The following KHDRBS2 variants were observed in gnomAD, a reference collection of about 807,000 sequenced individuals.
The protein encoded by KHDRBS2 is KH domain-containing, RNA-binding, signal transduction-associated protein 2.
KHDRBS2 carries 26 observed loss-of-function variants against 44.3 expected under a neutral mutation model. The observed-to-expected ratio is 0.59, with a 90% CI of 0.43 to 0.81. The LOEUF (loss-of-function observed/expected upper bound fraction) is 0.81, where lower values mean the gene tolerates loss of function less well. Ranked by LOEUF, KHDRBS2 falls within the 40% of genes least tolerant of loss-of-function variation. The pLI is 0.00. For synonymous variants in KHDRBS2, 194 were observed against 151.1 expected, an observed-to-expected ratio of 1.28 and a Z score of -2.08; for missense variants, 476 against 433.1, an observed-to-expected ratio of 1.10 and a Z score of -0.88.
intron 4 of KHDRBS2, among the ~76,000 whole-genome samples, chr6:61,963,592 G>A (rs1421511636): frequency 1.2e-4 from 19 of 152,094 alleles, no homozygotes; most frequent in Non-Finnish European, 2.2e-4. Context: ...TTGAGTACAG[G>A]GGCCCTCTCA....
the KHDRBS2 span, among the ~76,000 whole-genome samples, chr6:61,612,926 G>C: frequency 8.2e-4 from 113 of 138,498 alleles, no homozygotes; most frequent in Middle Eastern, 4.4e-3. Context: ...GATCTCGGCT[G>C]ACGGCAAGCT....
chr6:62,092,632 T>C (rs1320223779), intron 2 of KHDRBS2, among the ~76,000 whole-genome samples: 1 of 152,200 alleles, frequency 6.6e-6, no homozygotes, highest in Non-Finnish European at 1.5e-5. Flanking sequence ...TTCTATTACA[T>C]TGTTTCCTAA....
intron 6 of KHDRBS2, among the ~76,000 whole-genome samples, chr6:61,821,746 C>T (rs2127252397): frequency 6.6e-6 from 1 of 151,840 alleles, no homozygotes; most frequent in South Asian, 2.1e-4. Context: ...TTTTAGATGT[C>T]CTATGGATTG....
intron 1 of KHDRBS2, among the ~76,000 whole-genome samples, chr6:62,285,560 G>A (rs911892097): frequency 6.6e-6 from 1 of 152,182 alleles, no homozygotes; most frequent in African/African-American, 2.4e-5. Flanking sequence ...AAATGTCCCT[G>A]TAGACCGCGT....
At chr6:61,831,714 T>C (rs777084227) in intron 6 of KHDRBS2, among the ~76,000 whole-genome samples, 7 of 152,088 alleles carry the variant, frequency 4.6e-5, no homozygotes, top group Non-Finnish European at 7.4e-5. Context: ...TTCTTAAATA[T>C]CACGGTGAAA....
At chr6:61,890,394 C>T (rs888722645) in intron 6 of KHDRBS2, among the ~76,000 whole-genome samples, 5 of 152,238 alleles carry the variant, frequency 3.3e-5, no homozygotes, top group Non-Finnish European at 5.9e-5. Flanking sequence ...ACTCTTTATG[C>T]TTTTGTTGAT....
chr6:61,742,713 A>G (rs1776315468), intron 6 of KHDRBS2, among the ~76,000 whole-genome samples: 1 of 152,076 alleles, frequency 6.6e-6, no homozygotes, highest in Admixed American at 6.6e-5. Flanking sequence ...TTATGTATTC[A>G]AAACCATATG....
rs567275612 is a variant in KHDRBS2 at position 62,160,593 on chromosome 6, C to T, written c.219+16592G>A. ...TTGAGGAGTCACATGATCTGTATGG[C>T]CTATATGTTTAAAGATGACCACGGC... On this transcript the variant is annotated intron_variant, in intron 2 of 8. Coordinates refer to ENST00000281156, the MANE Select transcript of KHDRBS2 (RefSeq NM_152688.4). 7.9e-5 allele frequency among the ~76,000 whole-genome samples: 12 copies of T among 151,994 alleles called. No individual in the cohort carries two copies. In the South Asian group the frequency reaches 2.5e-3, roughly 32 times the overall value.
intron 2 of KHDRBS2, among the ~76,000 whole-genome samples, chr6:62,093,414 A>G (rs1799853054): frequency 6.6e-6 from 1 of 151,924 alleles, no homozygotes. Context: ...CCATACATGT[A>G]TAAGTTATGT....
chr6:61,930,546 G>GAAAAAAAAAAA (rs1439236595), intron 4 of KHDRBS2, among the ~76,000 whole-genome samples: 2 of 47,574 alleles, frequency 4.2e-5, no homozygotes, highest in Non-Finnish European at 4.3e-5. Context: ...AAAAAAAAAA[G>GAAAAAAAAAAA]AAAAAAAAAA....
intron 2 of KHDRBS2, among the ~76,000 whole-genome samples, chr6:62,132,651 G>A (rs1043689215): frequency 1.3e-5 from 2 of 152,078 alleles, no homozygotes; most frequent in Admixed American, 6.6e-5. Context: ...AAATAAATCT[G>A]CCCCATAAAA....
Position 62,197,589 on chromosome 6 carries a change from T to C in KHDRBS2, c.92-20277A>G, listed in dbSNP as rs148328976. Reference sequence around the variant, plus strand: ...TCCTGAACCCAGTTTTTCAGACTAATAAACATGAAATCCCTCTAGTGTGTC... The same window carrying C: ...TCCTGAACCCAGTTTTTCAGACTAACAAACATGAAATCCCTCTAGTGTGTC... On this transcript the variant is annotated intron_variant, in intron 1 of 8. Transcript: ENST00000281156. Among the ~76,000 whole-genome samples the C allele has an allele frequency of 6.6e-5, 10 of 152,172 alleles. No individual in the cohort carries two copies. The East Asian group carries it at 1.9e-3, about 30-fold the overall frequency.
the KHDRBS2 span, among the ~76,000 whole-genome samples, chr6:61,655,499 T>A: frequency 1.3e-5 from 2 of 151,962 alleles, no homozygotes; most frequent in African/African-American, 4.8e-5. Context: ...AGGTGATCCA[T>A]CCGCCTTGGT....
At chr6:62,177,351 G>A (rs1321612795) in intron 1 of KHDRBS2, 39 bp from the exon 2 acceptor site, 6 of 1,505,436 alleles carry the variant, frequency 4.0e-6, no homozygotes, top group East Asian at 2.4e-5. Flanking sequence ...GTGAAATGAG[G>A]AACAATGTTA....
Position 61,712,873 on chromosome 6 carries a change from TGAATATTA to T in KHDRBS2, c.894-15628_894-15621del, listed in dbSNP as rs1458217313. 9.5e-4 allele frequency among the ~76,000 whole-genome samples: 145 copies of T among 151,868 alleles called. 1 individual carries two copies. The highest frequency in any genetic ancestry group is 3.3e-3 in the African/African-American group (138 of 41,494). ...TATGTCTCCTATAATTTAATAGTAC[TGAATATTA>T]TGTAACTCAAGTCCACAATTATTTA... is the stretch of plus-strand genomic sequence containing the variant. On this transcript the variant is annotated intron_variant, in intron 7 of 8. Coordinates refer to ENST00000281156, the MANE Select transcript of KHDRBS2 (RefSeq NM_152688.4).
chr6:62,105,687 G>C (rs2127377949), intron 2 of KHDRBS2, among the ~76,000 whole-genome samples: 1 of 151,986 alleles, frequency 6.6e-6, no homozygotes, highest in East Asian at 1.9e-4. Flanking sequence ...TATTAGTCTT[G>C]CTAGCGGTCT....
At chr6:61,656,608 G>A in the KHDRBS2 span, among the ~76,000 whole-genome samples, 1 of 151,936 alleles carries the variant, frequency 6.6e-6, no homozygotes, top group African/African-American at 2.4e-5. Context: ...TAATTAAAAA[G>A]TCCAGATTTG....
chr6:62,022,195 G>T (rs1782475522), intron 3 of KHDRBS2, among the ~76,000 whole-genome samples: 1 of 151,418 alleles, frequency 6.6e-6, no homozygotes, highest in African/African-American at 2.4e-5. Flanking sequence ...TTAATTAAAA[G>T]TAAAAAAATG....
intron 4 of KHDRBS2, among the ~76,000 whole-genome samples, chr6:61,958,345 A>G (rs1171084856): frequency 6.6e-6 from 1 of 152,140 alleles, no homozygotes; most frequent in African/African-American, 2.4e-5. Flanking sequence ...CTCCTCATCA[A>G]TGTTGCTTCC....
Sources: allele counts gnomAD v4.1 joint callset (sites outside exome capture counted in the v4.1 genomes callset), GRCh38; gene constraint gnomAD v4.1.1; transcripts MANE v1.5; gene names NCBI Gene and HGNC (gene_info 2026-07-23, HGNC 2026-07-21).